TTC7B: variants seen among roughly 807,000 people sequenced by gnomAD.
The protein encoded by TTC7B is tetratricopeptide repeat domain 7B, also known as tetratricopeptide repeat protein 7B.
Under a neutral mutation model 106.8 loss-of-function variants are expected in TTC7B, and 28 were observed. That is an observed-to-expected ratio of 0.26 (90% CI 0.19 to 0.36). The LOEUF (loss-of-function observed/expected upper bound fraction) is 0.36. Among genes scored for constraint, TTC7B ranks in the 10% least tolerant of loss-of-function variants. The probability of loss-of-function intolerance (pLI) is 1.00; values close to 1 mark genes in which losing one functional copy is unlikely to be tolerated. For missense variants in TTC7B, 862 were observed against 1,076.4 expected, an observed-to-expected ratio of 0.80 and a Z score of 2.79; for synonymous variants, 405 against 430.6, an observed-to-expected ratio of 0.94 and a Z score of 0.74.
At chr14:90,693,953 C>A (rs935874372) in intron 6 of TTC7B, among the ~76,000 whole-genome samples, 3 of 152,108 alleles carry the variant, frequency 2.0e-5, no homozygotes, top group Non-Finnish European at 4.4e-5. Flanking sequence ...TAGAAACAAC[C>A]CAATGTCCAT....
chr14:90,649,782 CCT>C (rs911214565), intron 13 of TTC7B, among the ~76,000 whole-genome samples: 64 of 152,028 alleles, frequency 4.2e-4, no homozygotes, highest in African/African-American at 1.5e-3. Flanking sequence ...CAACCATCCA[CCT>C]ACCCATCCAT....
chr14:90,784,523 C>G (rs894589948), intron 2 of TTC7B, among the ~76,000 whole-genome samples: 3 of 151,910 alleles, frequency 2.0e-5, no homozygotes, highest in Non-Finnish European at 4.4e-5. Context: ...CGCCACTGCA[C>G]TCTAGCCTGG....
At chr14:90,798,165 T>C (rs1414270601) in intron 1 of TTC7B, among the ~76,000 whole-genome samples, 1 of 151,952 alleles carries the variant, frequency 6.6e-6, no homozygotes, top group African/African-American at 2.4e-5. Context: ...TGCTGAACGA[T>C]AAAAGGCCAC....
chr14:90,737,698 G>A (rs768413322), intron 4 of TTC7B, among the ~76,000 whole-genome samples: 5 of 151,938 alleles, frequency 3.3e-5, no homozygotes, highest in Non-Finnish European at 5.9e-5. Context: ...AGCTGGGACT[G>A]CAGGTGCACA....
chr14:90,613,624 T>C (rs1441074930), intron 16 of TTC7B, among the ~76,000 whole-genome samples: 1 of 152,174 alleles, frequency 6.6e-6, no homozygotes, highest in African/African-American at 2.4e-5. Flanking sequence ...GTCACCTTCC[T>C]CTCTCCCTCT....
At chr14:90,706,578 T>A (rs1888220569) in intron 5 of TTC7B, among the ~76,000 whole-genome samples, 1 of 152,240 alleles carries the variant, frequency 6.6e-6, no homozygotes, top group Non-Finnish European at 1.5e-5. Context: ...AATACTGAAT[T>A]AGAACTCATG....
At chr14:90,654,370 A>G (rs913551389) in intron 12 of TTC7B, among the ~76,000 whole-genome samples, 9 of 152,182 alleles carry the variant, frequency 5.9e-5, no homozygotes, top group African/African-American at 2.2e-4. Flanking sequence ...ACAGTTCAGG[A>G]AAAGTTTGTT....
intron 15 of TTC7B, among the ~76,000 whole-genome samples, chr14:90,639,333 C>T (rs775616768): frequency 1.3e-5 from 2 of 152,018 alleles, no homozygotes; most frequent in Non-Finnish European, 2.9e-5. Flanking sequence ...AACCAAAATA[C>T]ATAAAGAAAT....
At chr14:90,601,386 T>A (rs12432719) in intron 17 of TTC7B, among the ~76,000 whole-genome samples, 20,955 of 152,198 alleles carry the variant, frequency 0.14, 1,942 homozygotes, top group Non-Finnish European at 0.2. Flanking sequence ...ATGCTTGCCA[T>A]GATGGAAAGA....
At position 90,538,218 on chromosome 14, in the gene TTC7B, GTCC is replaced by G. The variant is rs1889463128; in HGVS notation, c.*3147_*3149del. ...TGCCGTCTTAGTGTCTAGCGTCTGC[GTCC>G]TCATCTATTAATGGATGGACGGATG... On this transcript the variant is annotated 3_prime_UTR_variant, in exon 20 of 20. Transcript: ENST00000328459. The G allele has an allele frequency of 6.6e-6, 1 of 152,176 alleles. No individual in the cohort carries two copies. Among genetic ancestry groups the G allele is most frequent in the East Asian group, 1.9e-4 (1 of 5,184 alleles). The allele number at this position is 152,176 out of a possible 1,614,324, so 9.4% of individuals were successfully genotyped here.
chr14:90,711,676 C>G (rs1036878556), intron 5 of TTC7B, among the ~76,000 whole-genome samples: 7 of 152,180 alleles, frequency 4.6e-5, no homozygotes, highest in Non-Finnish European at 8.8e-5. Flanking sequence ...CCCGCCTTTG[C>G]CCCCCAAAGT....
Position 90,657,352 on chromosome 14 carries a change from G to A in TTC7B, c.1237-74C>T, listed in dbSNP as rs1885992945. 6.7e-7 allele frequency: 1 copy of A among 1,488,810 alleles called. No homozygotes were observed. Among genetic ancestry groups the A allele is most frequent in the East Asian group, 2.3e-5 (1 of 43,364 alleles). The allele number at this position is 1,488,810 out of a possible 1,614,324, so 92.2% of individuals were successfully genotyped here. ...CCGAATACTACAGCCTTCTCAGAGG[G>A]GTTTTTGGTCAGGGTGACCTCCTCG... On this transcript the variant is annotated intron_variant, in intron 10 of 19. Coordinates refer to ENST00000328459, the MANE Select transcript of TTC7B (RefSeq NM_001010854.2). The surrounding 1 kb of genome is among the most constrained non-coding windows in gnomAD (Gnocchi z 4.2).
chr14:90,714,158 A>G (rs575067457), intron 5 of TTC7B, among the ~76,000 whole-genome samples: 1 of 152,000 alleles, frequency 6.6e-6, no homozygotes, highest in African/African-American at 2.4e-5. Flanking sequence ...TGAATCCAGG[A>G]GGCGGAGTTT....
rs1043534606 is a variant in TTC7B, at chr14:90,759,156, G to C, written c.446-14234C>G. Among the ~76,000 whole-genome samples the C allele has an allele frequency of 6.6e-6, 1 of 152,034 alleles. No individual in the cohort carries two copies. The highest frequency in any genetic ancestry group is 2.4e-5 in the African/African-American group (1 of 41,388). On this transcript the variant is annotated intron_variant, in intron 3 of 19. Transcript: ENST00000328459. This position sits in a 1 kb window ranked among gnomAD's most constrained non-coding sequence, Gnocchi z 4.1. ...CTTCTGTCCCACTCCGACCCACTCCGGAGAGCCACGCTCTGAGCCGCACAT... is the reference window on the plus strand; with the variant it reads ...CTTCTGTCCCACTCCGACCCACTCCCGAGAGCCACGCTCTGAGCCGCACAT...
intron 16 of TTC7B, among the ~76,000 whole-genome samples, chr14:90,614,259 G>C (rs1892979935): frequency 6.6e-6 from 1 of 152,170 alleles, no homozygotes; most frequent in African/African-American, 2.4e-5. Context: ...ACACGACCTT[G>C]GCCCATTTTA....
rs1287851451 is a variant in TTC7B, at chr14:90,572,673, T to G, written c.2310+5433A>C. Among the ~76,000 whole-genome samples, 3 of 152,214 alleles carry G rather than the reference T, an allele frequency of 2.0e-5. No homozygotes were observed. In the East Asian group the frequency reaches 5.8e-4, roughly 29 times the overall value. On this transcript the variant is annotated intron_variant, in intron 19 of 19. Transcript: ENST00000328459. ...TAGCCTGCAGCCATCTTGATTGAACTAAGAGGTTTTCTTGTCTCACAATCC... is the reference window on the plus strand; with the variant it reads ...TAGCCTGCAGCCATCTTGATTGAACGAAGAGGTTTTCTTGTCTCACAATCC...
At chr14:90,610,207 G>A (rs995525593) in intron 17 of TTC7B, among the ~76,000 whole-genome samples, 2 of 152,200 alleles carry the variant, frequency 1.3e-5, no homozygotes, top group African/African-American at 4.8e-5. Context: ...GTAGTTAGGT[G>A]GACTCACTCC....
At chr14:90,708,132 C>T (rs8016822) in intron 5 of TTC7B, among the ~76,000 whole-genome samples, 32,465 of 122,624 alleles carry the variant, frequency 0.26, 3,979 homozygotes, top group Middle Eastern at 0.46. Context: ...GGCGACAGTG[C>T]GAGACTCCAT....
intron 9 of TTC7B, among the ~76,000 whole-genome samples, chr14:90,658,710 G>A (rs1330944721): frequency 6.6e-6 from 1 of 152,202 alleles, no homozygotes; most frequent in Non-Finnish European, 1.5e-5. Flanking sequence ...CCCCCAGGGC[G>A]AGAAACAGGA....
Sources: gnomAD v4.1 joint callset for allele counts (sites outside exome capture counted in the v4.1 genomes callset) on GRCh38, gnomAD v4.1.1 for gene constraint, Gnocchi (gnomAD v3.1) non-coding constraint, MANE v1.5 for transcripts, NCBI Gene and HGNC (gene_info 2026-07-23, HGNC 2026-07-21) for gene names.